CSMD1: variants seen among roughly 807,000 people sequenced by gnomAD.
CSMD1 encodes CUB and sushi domain-containing protein 1.
CSMD1 carries 213 observed loss-of-function variants against 417.5 expected under a neutral mutation model. The observed-to-expected ratio is 0.51, with a 90% CI of 0.46 to 0.57. The LOEUF is 0.57. CSMD1 is among the 20% of genes least tolerant of loss of function. The pLI is 0.00. For missense variants in CSMD1, 6,923 were observed against 4,529.7 expected (o/e 1.53, Z -15.17); for synonymous variants, 2,862 against 1,736.8 (o/e 1.65, Z -16.11).
At chr8:4,128,108 G>A (rs1304814373) in intron 3 of CSMD1, among the ~76,000 whole-genome samples, 1 of 152,134 alleles carries the variant, frequency 6.6e-6, no homozygotes, top group Non-Finnish European at 1.5e-5. Flanking sequence ...ACATGCATCT[G>A]GCAAACACTG....
intron 49 of CSMD1, among the ~76,000 whole-genome samples, chr8:3,063,088 C>G (rs1006034924): frequency 6.6e-6 from 1 of 152,222 alleles, no homozygotes; most frequent in Middle Eastern, 3.4e-3. Flanking sequence ...GCTCACTAAG[C>G]ATTTAATCAA....
rs138045355 is a variant in CSMD1 at position 3,209,161 on chromosome 8, T to C, written c.4868-3541A>G. ...TTTTGTCTTTTACTACCTTGATAAA[T>C]AGTGCTTGTGCCTGTCCGTTCTTCC... On this transcript the variant is annotated intron_variant, in intron 30 of 69. Coordinates refer to ENST00000635120, the MANE Select transcript of CSMD1 (RefSeq NM_033225.6). Among the ~76,000 whole-genome samples the C allele has an allele frequency of 4.2e-3, 636 of 152,290 alleles. 1 individual carries two copies. The highest frequency in any genetic ancestry group is 5.4e-3 in the Non-Finnish European group (370 of 68,018).
At position 4,437,265 on chromosome 8, in the gene CSMD1, G is replaced by C. The variant is rs1279499058; in HGVS notation, c.303-17200C>G. ...TTCTGAAATTAGGCAGTAGAGAAAA[G>C]TAAACTTCCTTTTAAGTAACTGAAA... On this transcript the variant is annotated intron_variant, in intron 2 of 69. Transcript: ENST00000635120. 2.6e-5 allele frequency among the ~76,000 whole-genome samples: 4 copies of C among 152,268 alleles called. No individual in the cohort carries two copies. The East Asian group carries it at 7.7e-4, about 29-fold the overall frequency.
chr8:4,700,907 G>A (rs1027898757), intron 1 of CSMD1, among the ~76,000 whole-genome samples: 1 of 152,172 alleles, frequency 6.6e-6, no homozygotes, highest in African/African-American at 2.4e-5. Context: ...AAAACCAGAA[G>A]ATTTCAGAGG....
intron 49 of CSMD1, among the ~76,000 whole-genome samples, chr8:3,057,357 T>C (rs999513223): frequency 5.9e-5 from 9 of 152,158 alleles, no homozygotes; most frequent in African/African-American, 2.2e-4. Context: ...AGTAAGATTA[T>C]AATCAAATAA....
intron 7 of CSMD1, among the ~76,000 whole-genome samples, chr8:3,617,256 G>T (rs1172806601): frequency 6.6e-6 from 1 of 152,096 alleles, no homozygotes; most frequent in Non-Finnish European, 1.5e-5. Context: ...TTTAAACATT[G>T]AAGTGCTTAT....
At chr8:4,049,782 CCTTA>C (rs1253746767) in intron 3 of CSMD1, among the ~76,000 whole-genome samples, 15 of 152,092 alleles carry the variant, frequency 9.9e-5, no homozygotes, top group Non-Finnish European at 4.4e-5. Context: ...AGCCCGTTTT[CCTTA>C]CTGTTAGCAT....
intron 23 of CSMD1, among the ~76,000 whole-genome samples, chr8:3,335,140 C>G (rs1320072803): frequency 6.6e-6 from 1 of 152,116 alleles, no homozygotes; most frequent in Non-Finnish European, 1.5e-5. Context: ...GTTGGACATC[C>G]TACACCACTA....
intron 10 of CSMD1, among the ~76,000 whole-genome samples, chr8:3,518,654 T>C (rs781703442): frequency 7.2e-5 from 11 of 152,008 alleles, no homozygotes; most frequent in Non-Finnish European, 8.8e-5. Flanking sequence ...AAGAAACAAA[T>C]AAAACAAATG....
At chr8:4,491,472 T>C (rs1043952915) in intron 2 of CSMD1, among the ~76,000 whole-genome samples, 45 of 152,158 alleles carry the variant, frequency 3.0e-4, no homozygotes, top group African/African-American at 1.0e-3. Context: ...TAAACAGCTA[T>C]GGACTTTTGT....
At chr8:4,874,543 C>T (rs570885486) in intron 1 of CSMD1, among the ~76,000 whole-genome samples, 3 of 151,744 alleles carry the variant, frequency 2.0e-5, no homozygotes, top group East Asian at 3.9e-4. Flanking sequence ...GTGCCTGCCA[C>T]CTCTCCCGGC....
chr8:3,474,403 G>C (rs1295349622), intron 11 of CSMD1, among the ~76,000 whole-genome samples: 1 of 151,720 alleles, frequency 6.6e-6, no homozygotes, highest in Non-Finnish European at 1.5e-5. Context: ...ATGTTTTCTT[G>C]GCAAACAAAC....
chr8:4,754,662 T>C (rs1291893246), intron 1 of CSMD1, among the ~76,000 whole-genome samples: 1 of 151,946 alleles, frequency 6.6e-6, no homozygotes, highest in Non-Finnish European at 1.5e-5. Context: ...CAATCCTGGC[T>C]AACATGGTGA....
At chr8:4,884,036 T>G (rs376023078) in intron 1 of CSMD1, among the ~76,000 whole-genome samples, 1 of 152,084 alleles carries the variant, frequency 6.6e-6, no homozygotes, top group Admixed American at 6.5e-5. Context: ...GTAGTGAATG[T>G]CAAATGGTGT....
At chr8:4,582,703 T>C (rs1163987198) in intron 2 of CSMD1, among the ~76,000 whole-genome samples, 2 of 152,188 alleles carry the variant, frequency 1.3e-5, no homozygotes, top group African/African-American at 4.8e-5. Context: ...CGGCGCCTCC[T>C]CTGCCTGGGC....
intron 1 of CSMD1, among the ~76,000 whole-genome samples, chr8:4,911,222 C>T (rs574151004): frequency 6.6e-6 from 1 of 152,328 alleles, no homozygotes; most frequent in South Asian, 2.1e-4. Context: ...TCCTCAAATT[C>T]TGTCTGCTCC....
chr8:4,208,756 G>A (rs769565365), intron 3 of CSMD1, among the ~76,000 whole-genome samples: 14 of 152,252 alleles, frequency 9.2e-5, no homozygotes, highest in South Asian at 2.1e-4. Flanking sequence ...ATATATTGTC[G>A]TGGAAATTTT....
chr8:3,335,947 A>T (rs1490863766), intron 23 of CSMD1, among the ~76,000 whole-genome samples: 1 of 152,154 alleles, frequency 6.6e-6, no homozygotes, highest in Non-Finnish European at 1.5e-5. Flanking sequence ...CTTCCTACCC[A>T]GCGCTTGTAG....
rs114368076 is a variant in CSMD1 at position 4,934,441 on chromosome 8, C to T, written c.85+59891G>A. On this transcript the variant is annotated intron_variant, in intron 1 of 69. Transcript: ENST00000635120. ...CTATCATTTCATGTAGTTTTGCAAACCTCTAGCTTGTATTCACATCAACAC... is the reference window on the plus strand; with the variant it reads ...CTATCATTTCATGTAGTTTTGCAAATCTCTAGCTTGTATTCACATCAACAC... Among the ~76,000 whole-genome samples the T allele has an allele frequency of 6.8e-3, 1,041 of 152,174 alleles. 10 individuals carry two copies. Among genetic ancestry groups the T allele is most frequent in the African/African-American group, 0.024 (1,008 of 41,516 alleles).
Sources: gnomAD v4.1 joint callset for allele counts (sites outside exome capture counted in the v4.1 genomes callset) on GRCh38, gnomAD v4.1.1 for gene constraint, MANE v1.5 for transcripts, NCBI Gene and HGNC (gene_info 2026-07-23, HGNC 2026-07-21) for gene names.